Variants in TECPR1 observed in about 807,000 individuals in gnomAD.
TECPR1 encodes tectonin beta-propeller repeat containing 1.
A neutral mutation model predicts 162.4 loss-of-function variants in TECPR1; 122 were observed. The observed-to-expected ratio is 0.75, with a 90% CI of 0.65 to 0.87. The LOEUF is 0.87. Ranked by LOEUF, TECPR1 falls within the 40% of genes least tolerant of loss-of-function variation. TECPR1 has a pLI of 0.00. For synonymous variants in TECPR1, 642 were observed against 670.6 expected (o/e 0.96, Z 0.66); for missense variants, 1,432 against 1,618.2 (o/e 0.88, Z 1.97).
intron 19 of TECPR1, 30 bp downstream of exon 19, chr7:98,224,770 GC>G: frequency 6.4e-7 from 1 of 1,554,802 alleles, no homozygotes; most frequent in Non-Finnish European, 8.7e-7. Flanking sequence ...TCAGGACCCA[GC>G]CCGAAGGCCC....
Position 98,228,087 on chromosome 7 carries a change from T to C in TECPR1, c.2440A>G (p.Thr814Ala). 1 of 1,612,672 alleles carries C rather than the reference T, an allele frequency of 6.2e-7. No individual in the cohort carries two copies. Among genetic ancestry groups the C allele is most frequent in the Non-Finnish European group, 8.5e-7 (1 of 1,179,518 alleles). Residue 814 changes from threonine to alanine, a missense_variant, in exon 17 of 26, where the codon ACG becomes GCG. By Grantham distance (58) the Thr-to-Ala change is moderately conservative. Coordinates refer to ENST00000447648, the MANE Select transcript of TECPR1 (RefSeq NM_015395.3). ...TGAACACACTTCACGTCTGACTGCG[T>C]GTAGATGTTACTGGTGCTGCTGGCC... ...GLASSTSNIY[T>A]QSDVKCVHIY...
At chr7:98,238,458 C>A in intron 9 of TECPR1, 51 bp downstream of exon 9, 2 of 1,447,868 alleles carry the variant, frequency 1.4e-6, no homozygotes, top group South Asian at 2.4e-5. Context: ...GCATCAGGAG[C>A]CCCCATTCTG....
At chr7:98,245,365 A>G (rs1052345683) in intron 3 of TECPR1, among the ~76,000 whole-genome samples, 1 of 152,102 alleles carries the variant, frequency 6.6e-6, no homozygotes, top group African/African-American at 2.4e-5. Context: ...GCTCCCAGAA[A>G]CCACTGGAGC....
intron 10 of TECPR1, 138 bp from the exon 11 acceptor site, chr7:98,234,049 T>C: frequency 8.4e-7 from 1 of 1,185,008 alleles, no homozygotes; most frequent in African/African-American, 1.6e-5. Flanking sequence ...CTCCTGTCTC[T>C]TCCTCTGTGC....
intron 2 of TECPR1, among the ~76,000 whole-genome samples, chr7:98,248,615 A>G (rs1798973414): frequency 7.0e-6 from 1 of 143,132 alleles, no homozygotes; most frequent in African/African-American, 2.7e-5. Flanking sequence ...GCCAAGGCGG[A>G]TGGATCACCT....
At position 98,232,396 on chromosome 7, in the gene TECPR1, C is replaced by T. The variant is rs116253610; in HGVS notation, c.1818+431G>A. Among the ~76,000 whole-genome samples the T allele has an allele frequency of 6.2e-3, 940 of 152,190 alleles. 10 individuals carry two copies. Among genetic ancestry groups the T allele is most frequent in the African/African-American group, 0.021 (869 of 41,524 alleles). On this transcript the variant is annotated intron_variant, in intron 12 of 25. Coordinates refer to ENST00000447648, the MANE Select transcript of TECPR1 (RefSeq NM_015395.3). This position sits in a 1 kb window ranked among gnomAD's most constrained non-coding sequence, Gnocchi z 4.6. ...ACCCCCACACTTGACCTCTGAGGGC[C>T]GGGCTCTGCCACAGGATAGTGGGGC...
In TECPR1 at chr7:98,241,520, G is replaced by A. The variant is rs765744881; in HGVS notation, c.658-276C>T. Among the ~76,000 whole-genome samples the A allele has an allele frequency of 4.6e-5, 7 of 152,116 alleles. No individual in the cohort carries two copies. The highest frequency in any genetic ancestry group is 1.2e-4 in the African/African-American group (5 of 41,420). On this transcript the variant is annotated intron_variant, in intron 6 of 25. Transcript: ENST00000447648. The surrounding 1 kb of genome is among the most constrained non-coding windows in gnomAD (Gnocchi z 5.0). Reference sequence around the variant, plus strand: ...TCCAGTCTCAGGCATGTGGGTCTCCGGCCACTCTGGCCAGCCCGTGTGTCC... The same window carrying A: ...TCCAGTCTCAGGCATGTGGGTCTCCAGCCACTCTGGCCAGCCCGTGTGTCC...
chr7:98,233,575 G>C lies in TECPR1; in HGVS notation c.1518C>G (p.Phe506Leu). The C allele has an allele frequency of 1.3e-6, 2 of 1,596,810 alleles. No homozygotes were observed. Among genetic ancestry groups the C allele is most frequent in the South Asian group, 2.2e-5 (2 of 88,998 alleles). Residue 506 changes from phenylalanine to leucine, a missense_variant, in exon 11 of 26, where the codon TTC becomes TTG. Coordinates refer to ENST00000447648, the MANE Select transcript of TECPR1 (RefSeq NM_015395.3). Reference protein sequence around the residue: ...KKVPSHSAAGFPETTSLSSLG... With the variant: ...KKVPSHSAAGLPETTSLSSLG... Reference sequence around the variant, plus strand: ...GAGAGGAGAGGCTGGTGGTCTCGGGGAAGCCAGCGGCCGAGTGGCTGGGCA... The same window carrying C: ...GAGAGGAGAGGCTGGTGGTCTCGGGCAAGCCAGCGGCCGAGTGGCTGGGCA...
intron 11 of TECPR1, 71 bp downstream of exon 11, chr7:98,233,350 C>T: frequency 7.2e-7 from 1 of 1,391,850 alleles, no homozygotes; most frequent in Non-Finnish European, 9.3e-7. Flanking sequence ...TGACCCCGGC[C>T]TCCTCCCACA....
At position 98,224,843 on chromosome 7, in the gene TECPR1, C is replaced by A; in HGVS notation, c.2648G>T (p.Gly883Val). 1 of 1,576,240 alleles carries A rather than the reference C, an allele frequency of 6.3e-7. No homozygotes were observed. Among genetic ancestry groups the A allele is most frequent in the Non-Finnish European group, 8.6e-7 (1 of 1,161,484 alleles). The change falls in exon 19 of 26, where the codon GGC (glycine) becomes GTC (valine). Residue 883 changes from glycine to valine, a missense_variant. Gly to Val is a moderately radical substitution (Grantham distance 109). Coordinates refer to ENST00000447648, the MANE Select transcript of TECPR1 (RefSeq NM_015395.3). Reference protein sequence around the residue: ...DWFVDFSVPGGTDQEGWQYAS... With the variant: ...DWFVDFSVPGVTDQEGWQYAS... ...ATACTGCCACCCCTCCTGGTCCGTG[C>A]CCCCCGGAACGCTGAAATCCACGAA...
intron 15 of TECPR1, among the ~76,000 whole-genome samples, 179 bp downstream of exon 15, chr7:98,230,782 T>G (rs1466018074): frequency 6.6e-6 from 1 of 152,104 alleles, no homozygotes; most frequent in Non-Finnish European, 1.5e-5. Flanking sequence ...TTCCCCCTCT[T>G]GGAGTCTTTG....
At chr7:98,233,949 A>G in intron 10 of TECPR1, 38 bp from the exon 11 acceptor site, 1 of 1,476,114 alleles carries the variant, frequency 6.8e-7, no homozygotes, top group Non-Finnish European at 9.0e-7. Flanking sequence ...ACTCCCTTGC[A>G]GGGGAACAGG....
rs1798759343 is a variant in TECPR1 at position 98,241,919 on chromosome 7, C to T, written c.658-675G>A. 2.0e-5 allele frequency among the ~76,000 whole-genome samples: 3 copies of T among 152,206 alleles called. No homozygotes were observed. In the South Asian group the frequency reaches 6.2e-4, roughly 31 times the overall value. Reference sequence around the variant, plus strand: ...AGAAGCCCAGGTCCTGGTGCCACCTCTCATGGACCACAGGTGTGGTGCAGG... The same window carrying T: ...AGAAGCCCAGGTCCTGGTGCCACCTTTCATGGACCACAGGTGTGGTGCAGG... On this transcript the variant is annotated intron_variant, in intron 6 of 25. Transcript: ENST00000447648. The surrounding 1 kb of genome is among the most constrained non-coding windows in gnomAD (Gnocchi z 5.0).
At chr7:98,228,577 G>A (rs922646133) in intron 16 of TECPR1, 68 of 218,886 alleles carry the variant, frequency 3.1e-4, no homozygotes, top group African/African-American at 1.3e-3. Context: ...TCAGATATGC[G>A]TTCCTGGGGT....
Position 98,219,097 on chromosome 7 carries a change from C to T in TECPR1, c.3158-1055G>A, listed in dbSNP as rs908305162. ...AGAAATAAAGCCAGATACCCACAAC[C>T]AATTGATCTTTGAGAAAGCATACAA... On this transcript the variant is annotated intron_variant, in intron 23 of 25. Transcript: ENST00000447648. 2.2e-4 allele frequency among the ~76,000 whole-genome samples: 33 copies of T among 152,088 alleles called. 1 individual carries two copies. The highest frequency in any genetic ancestry group is 1.6e-4 in the Non-Finnish European group (11 of 68,014).
rs529640275 is a variant in TECPR1 at position 98,233,088 on chromosome 7, T to C, written c.1673-116A>G. On this transcript the variant is annotated intron_variant, in intron 11 of 25. Transcript: ENST00000447648. Reference sequence around the variant, plus strand: ...TTTCTAGCTCAAAAGCTACGCTCTCTGTTAAGCCTCCTTCCACCCTTTGCC... The same window carrying C: ...TTTCTAGCTCAAAAGCTACGCTCTCCGTTAAGCCTCCTTCCACCCTTTGCC... 291 of 1,260,554 alleles carry C rather than the reference T, an allele frequency of 2.3e-4. 1 individual carries two copies. In the African/African-American group the frequency reaches 3.4e-3, roughly 15 times the overall value. 78.1% of individuals were successfully genotyped at this position (1,260,554 alleles called of 1,614,324 possible). A position where few individuals can be genotyped will look rare whatever the true frequency, so the allele number is the denominator to read the frequency against.
chr7:98,216,957 C>T lies in TECPR1; in HGVS notation c.*433G>A, dbSNP rs1798026037. 1 of 172,966 alleles carries T rather than the reference C, an allele frequency of 5.8e-6. No individual in the cohort carries two copies. The highest frequency in any genetic ancestry group is 1.2e-5 in the Non-Finnish European group (1 of 80,630). 10.7% of individuals were successfully genotyped at this position (172,966 alleles called of 1,614,324 possible). A position where few individuals can be genotyped will look rare whatever the true frequency, so the allele number is the denominator to read the frequency against. Reference sequence around the variant, plus strand: ...GTAAAGAGGCCCTGAGCCCCATGGCCATCTCTCTTGGTGAGGGGTGGCGGG... The same window carrying T: ...GTAAAGAGGCCCTGAGCCCCATGGCTATCTCTCTTGGTGAGGGGTGGCGGG... On this transcript the variant is annotated 3_prime_UTR_variant, in exon 26 of 26. Transcript: ENST00000447648.
intron 8 of TECPR1, among the ~76,000 whole-genome samples, chr7:98,240,121 CA>C (rs1191528640): frequency 6.6e-6 from 1 of 151,840 alleles, no homozygotes. Flanking sequence ...AAAAAACAAA[CA>C]AAAGAAAAAC....
chr7:98,231,888 G>T lies in TECPR1; in HGVS notation c.1890C>A (p.Arg630=). 6.2e-7 allele frequency: 1 copy of T among 1,612,120 alleles called. No individual in the cohort carries two copies. Residue 630 remains arginine, a synonymous_variant, in exon 13 of 26, where the codon CGC becomes CGA. Transcript: ENST00000447648. ...GCCCCGTGAACTGCTCCAGGGCCAA[G>T]CGCACGTCCACCCACTTGTGGGGCT... The part of the protein sequence containing the change: ...DWKPHKWVDV[R]LALEQFTGHD...
Sources: gnomAD v4.1 joint callset for allele counts (sites outside exome capture counted in the v4.1 genomes callset) on GRCh38, gnomAD v4.1.1 for gene constraint, Gnocchi (gnomAD v3.1) non-coding constraint, MANE v1.5 for transcripts, NCBI Gene and HGNC (gene_info 2026-07-23, HGNC 2026-07-21) for gene names.